PTPRR: variants seen among roughly 807,000 people sequenced by gnomAD.
PTPRR encodes protein tyrosine phosphatase receptor type R, also known as receptor-type tyrosine-protein phosphatase R.
A neutral mutation model predicts 77.2 loss-of-function variants in PTPRR; 38 were observed. The ratio of observed to expected loss-of-function variants is 0.49; its 90% CI spans 0.38 to 0.65. The LOEUF (loss-of-function observed/expected upper bound fraction) is 0.65, where lower values mean the gene tolerates loss of function less well. PTPRR is among the 30% of genes least tolerant of loss of function. PTPRR has a pLI of 0.00. For synonymous variants in PTPRR, 299 were observed against 283.1 expected (o/e 1.06, Z -0.57); for missense variants, 744 against 799.2 (o/e 0.93, Z 0.83).
intron 2 of PTPRR, among the ~76,000 whole-genome samples, chr12:70,879,141 T>C (rs11836836): frequency 0.014 from 2,199 of 152,146 alleles, 58 homozygotes; most frequent in African/African-American, 0.05. Context: ...TTGGGAGATA[T>C]ACCCAATGTA....
At chr12:70,663,169 AAC>A (rs916623807) in intron 10 of PTPRR, among the ~76,000 whole-genome samples, 15 of 152,328 alleles carry the variant, frequency 9.8e-5, no homozygotes, top group Middle Eastern at 3.4e-3. Flanking sequence ...TTCCCGGACC[AAC>A]AGTTTTTTTC....
intron 2 of PTPRR, among the ~76,000 whole-genome samples, chr12:70,772,059 G>A (rs1055780619): frequency 6.6e-6 from 1 of 151,956 alleles, no homozygotes; most frequent in Admixed American, 6.6e-5. Flanking sequence ...CCTCATTGAA[G>A]CCCCAGCATG....
chr12:70,702,958 T>C (rs1373907598), intron 6 of PTPRR, among the ~76,000 whole-genome samples: 1 of 152,102 alleles, frequency 6.6e-6, no homozygotes, highest in South Asian at 2.1e-4. Flanking sequence ...TCTGCACATA[T>C]ATACATATAT....
intron 2 of PTPRR, among the ~76,000 whole-genome samples, chr12:70,869,065 A>C (rs1892915071): frequency 6.7e-6 from 1 of 149,446 alleles, no homozygotes; most frequent in Admixed American, 6.6e-5. Flanking sequence ...GGATAGCATT[A>C]GGAGATATAC....
intron 2 of PTPRR, among the ~76,000 whole-genome samples, chr12:70,775,168 T>C (rs1891062748): frequency 6.6e-6 from 1 of 151,428 alleles, no homozygotes; most frequent in African/African-American, 2.4e-5. Context: ...TTGAGTATTT[T>C]TATTGTTATT....
chr12:70,886,569 T>A (rs1182690437), intron 2 of PTPRR, among the ~76,000 whole-genome samples: 1 of 152,248 alleles, frequency 6.6e-6, no homozygotes, highest in African/African-American at 2.4e-5. Context: ...CAATCATCAA[T>A]ATTCATTGAC....
chr12:70,696,590 AT>A (rs1888241219), intron 8 of PTPRR, among the ~76,000 whole-genome samples: 1 of 152,120 alleles, frequency 6.6e-6, no homozygotes, highest in African/African-American at 2.4e-5. Context: ...GCACAGCAAC[AT>A]TTTTTTGGTA....
intron 2 of PTPRR, among the ~76,000 whole-genome samples, chr12:70,862,754 A>T (rs925951970): frequency 2.0e-5 from 3 of 152,072 alleles, no homozygotes; most frequent in African/African-American, 7.2e-5. Context: ...AATAAAATAA[A>T]AAAAAGGGAA....
intron 2 of PTPRR, among the ~76,000 whole-genome samples, chr12:70,850,387 T>C (rs1038743093): frequency 2.0e-5 from 3 of 151,982 alleles, no homozygotes; most frequent in Admixed American, 2.0e-4. Flanking sequence ...GGTAATTTTG[T>C]ATCTATTTCC....
chr12:70,684,778 G>A lies in PTPRR; in HGVS notation c.1285C>T (p.Leu429Phe), dbSNP rs1887798255. 1 of 1,597,884 alleles carries A rather than the reference G, an allele frequency of 6.3e-7. No homozygotes were observed. The highest frequency in any genetic ancestry group is 1.1e-5 in the South Asian group (1 of 88,380). The change falls in exon 9 of 14, where the codon CTC (leucine) becomes TTC (phenylalanine). Residue 429 changes from leucine (L) to phenylalanine (F), a missense_variant. Coordinates refer to ENST00000283228, the MANE Select transcript of PTPRR (RefSeq NM_002849.4). ...NRYKTILPNP[L>F]SRVCLRPKNV... ...TTTGGTCTTAAACACACTCTGCTGA[G>A]GGGATCTAATGAAGAAAACAAAAAA...
chr12:70,823,463 G>C (rs1177588371), intron 2 of PTPRR, among the ~76,000 whole-genome samples: 1 of 152,172 alleles, frequency 6.6e-6, no homozygotes, highest in Non-Finnish European at 1.5e-5. Flanking sequence ...TTCTGAAACA[G>C]TGTCAGAATT....
intron 2 of PTPRR, among the ~76,000 whole-genome samples, chr12:70,879,239 C>G (rs112111101): frequency 2.0e-5 from 3 of 152,096 alleles, no homozygotes; most frequent in African/African-American, 7.2e-5. Context: ...TACCCTAGAA[C>G]TTTAAGTATA....
chr12:70,792,299 T>G (rs943449856), intron 2 of PTPRR, among the ~76,000 whole-genome samples: 2 of 152,220 alleles, frequency 1.3e-5, no homozygotes, highest in African/African-American at 2.4e-5. Flanking sequence ...GCAGAGATTT[T>G]CAGCGATGAA....
At chr12:70,805,579 G>A (rs527622356) in intron 2 of PTPRR, among the ~76,000 whole-genome samples, 1 of 152,246 alleles carries the variant, frequency 6.6e-6, no homozygotes, top group South Asian at 2.1e-4. Context: ...CAGGCTGGTT[G>A]TAAACTCCTG....
rs1394349356 is a variant in PTPRR, at chr12:70,770,352, T to C, written c.358-5574A>G. ...ACCCCATCAAAAAGTGGGCAAAGGA[T>C]ATGAACAGACACTTCTCGAAAGAAG... On this transcript the variant is annotated intron_variant, in intron 2 of 13. Coordinates refer to ENST00000283228, the MANE Select transcript of PTPRR (RefSeq NM_002849.4). Among the ~76,000 whole-genome samples the C allele has an allele frequency of 2.6e-5, 4 of 151,998 alleles. No individual in the cohort carries two copies. In the East Asian group the frequency reaches 5.8e-4, roughly 22 times the overall value.
rs117560223 is a variant in PTPRR, at chr12:70,755,853, A to G, written c.628-1552T>C. Among the ~76,000 whole-genome samples, 621 of 152,270 alleles carry G rather than the reference A, an allele frequency of 4.1e-3. 25 individuals are homozygous for G. Among genetic ancestry groups the G allele is most frequent in the East Asian group, 1.7e-3 (9 of 5,188 alleles). On this transcript the variant is annotated intron_variant, in intron 4 of 13. Coordinates refer to ENST00000283228, the MANE Select transcript of PTPRR (RefSeq NM_002849.4). ...CTTTCACCTCTTTGACGTCAGCCATATCGTTTTTTTAAATTCCAATGTCTC... is the reference window on the plus strand; with the variant it reads ...CTTTCACCTCTTTGACGTCAGCCATGTCGTTTTTTTAAATTCCAATGTCTC...
intron 2 of PTPRR, among the ~76,000 whole-genome samples, chr12:70,887,648 T>C (rs918295698): frequency 6.6e-6 from 1 of 152,128 alleles, no homozygotes; most frequent in African/African-American, 2.4e-5. Flanking sequence ...AGGAAGTATA[T>C]TATTCTAGGT....
intron 13 of PTPRR, among the ~76,000 whole-genome samples, chr12:70,641,454 G>A (rs1341374786): frequency 1.3e-5 from 2 of 152,138 alleles, no homozygotes; most frequent in Non-Finnish European, 2.9e-5. Flanking sequence ...ACCCTAAGTG[G>A]GTCAGTGGTG....
Position 70,920,472 on chromosome 12 carries a change from A to G in PTPRR, c.-82T>C, listed in dbSNP as rs528292711. On this transcript the variant is annotated 5_prime_UTR_variant, in exon 1 of 14. Transcript: ENST00000283228. ...GTGCTATTAGAAAGAGCCACCGCCAAGGGTCTTCTAGTCTCCGGGATTCAG... is the reference window on the plus strand; with the variant it reads ...GTGCTATTAGAAAGAGCCACCGCCAGGGGTCTTCTAGTCTCCGGGATTCAG... The G allele has an allele frequency of 1.9e-4, 255 of 1,336,142 alleles. No homozygotes were observed. The highest frequency in any genetic ancestry group is 2.4e-4 in the Non-Finnish European group (226 of 952,474). 82.8% of individuals were successfully genotyped at this position (1,336,142 alleles called of 1,614,324 possible). A position where few individuals can be genotyped will look rare whatever the true frequency, so the allele number is the denominator to read the frequency against.
Sources: allele counts gnomAD v4.1 joint callset (sites outside exome capture counted in the v4.1 genomes callset), GRCh38; gene constraint gnomAD v4.1.1; transcripts MANE v1.5; gene names NCBI Gene and HGNC (gene_info 2026-07-23, HGNC 2026-07-21).